MAD1L1: variants seen among roughly 807,000 people sequenced by gnomAD.
MAD1L1 encodes the protein mitotic spindle assembly checkpoint protein MAD1.
A neutral mutation model predicts 96.9 loss-of-function variants in MAD1L1; 95 were observed. The ratio of observed to expected loss-of-function variants is 0.98; its 90% CI spans 0.83 to 1.16. The LOEUF is 1.16. MAD1L1 is among the 50% of genes most tolerant of loss of function. MAD1L1 has a pLI of 0.00. For missense variants in MAD1L1, 1,007 were observed against 954.4 expected (o/e 1.06, Z -0.73); for synonymous variants, 473 against 396.6 (o/e 1.19, Z -2.29).
At chr7:2,177,948 G>A (rs184940820) in intron 10 of MAD1L1, among the ~76,000 whole-genome samples, 99 of 151,928 alleles carry the variant, frequency 6.5e-4, no homozygotes, top group African/African-American at 2.1e-3. Context: ...AAACACACCA[G>A]GAGGTTAAGT....
chr7:1,912,882 C>T (rs937157778), intron 17 of MAD1L1, among the ~76,000 whole-genome samples: 3 of 149,688 alleles, frequency 2.0e-5, no homozygotes, highest in Non-Finnish European at 3.0e-5. Context: ...GGGGTGGCGG[C>T]GGCGAGGTCC....
chr7:2,190,467 C>G (rs994631957), intron 10 of MAD1L1, among the ~76,000 whole-genome samples: 23 of 152,082 alleles, frequency 1.5e-4, no homozygotes, highest in Non-Finnish European at 2.5e-4. Flanking sequence ...ATTGATAAAT[C>G]AGACTTAGCA....
chr7:1,978,077 G>A (rs758351904), intron 15 of MAD1L1, among the ~76,000 whole-genome samples: 13 of 152,218 alleles, frequency 8.5e-5, no homozygotes, highest in Non-Finnish European at 1.6e-4. Flanking sequence ...CTCTCCCCCT[G>A]CGCCCGCGTG....
chr7:1,884,848 C>T (rs970545095), intron 18 of MAD1L1, among the ~76,000 whole-genome samples: 4 of 152,162 alleles, frequency 2.6e-5, no homozygotes, highest in South Asian at 4.1e-4. Flanking sequence ...CAGACGCAGG[C>T]GGGGCAGGCC....
In MAD1L1 at chr7:1,864,769, C is replaced by T. The variant is rs542502518; in HGVS notation, c.1998+33431G>A. Among the ~76,000 whole-genome samples the T allele has an allele frequency of 2.0e-5, 3 of 152,300 alleles. No individual in the cohort carries two copies. The South Asian group carries it at 6.2e-4, about 32-fold the overall frequency. On this transcript the variant is annotated intron_variant, in intron 18 of 18. Transcript: ENST00000265854. ...CCTCCCTGGGGTGAGGGGGTTCCCA[C>T]TGTTGGGAGAGCCTGGTGCCCCCCG...
intron 18 of MAD1L1, among the ~76,000 whole-genome samples, chr7:1,894,885 A>G (rs1583686951): frequency 1.3e-5 from 2 of 152,088 alleles, no homozygotes; most frequent in East Asian, 3.9e-4. Context: ...TGGAGCAAGA[A>G]GCATCTTTAA....
At chr7:2,204,007 C>T (rs1792453874) in intron 10 of MAD1L1, among the ~76,000 whole-genome samples, 1 of 152,236 alleles carries the variant, frequency 6.6e-6, no homozygotes, top group African/African-American at 2.4e-5. Context: ...ACACGTTCCA[C>T]TTTTCATTCC....
At chr7:1,894,819 G>T (rs1343982216) in intron 18 of MAD1L1, among the ~76,000 whole-genome samples, 2 of 151,906 alleles carry the variant, frequency 1.3e-5, no homozygotes, top group Non-Finnish European at 2.9e-5. Context: ...GGAGTAGAGG[G>T]TGGGGGTTGG....
At chr7:2,001,282 C>T (rs1781780296) in intron 14 of MAD1L1, among the ~76,000 whole-genome samples, 2 of 152,404 alleles carry the variant, frequency 1.3e-5, no homozygotes, top group Admixed American at 6.5e-5. Context: ...AACATGCAGA[C>T]ACACGCACGC....
intron 18 of MAD1L1, among the ~76,000 whole-genome samples, chr7:1,893,211 G>T (rs1024444863): frequency 6.6e-6 from 1 of 152,194 alleles, no homozygotes; most frequent in Non-Finnish European, 1.5e-5. Flanking sequence ...AGCCCAGGCA[G>T]CCAGCTCCCT....
rs1020241179 is a variant in MAD1L1, at chr7:2,119,969, A to G, written c.1073+29183T>C. Among the ~76,000 whole-genome samples the G allele has an allele frequency of 1.7e-4, 26 of 152,006 alleles. No homozygotes were observed. The highest frequency in any genetic ancestry group is 5.8e-4 in the African/African-American group (24 of 41,376). ...TCCACCTCCTCCCAGCATGCGCCCA[A>G]GGCATCCCTAGCAATGCCCCAGGTG... On this transcript the variant is annotated intron_variant, in intron 11 of 18. Transcript: ENST00000265854. This position sits in a 1 kb window ranked among gnomAD's most constrained non-coding sequence, Gnocchi z 4.6.
At chr7:2,148,857 C>T (rs1369404927) in intron 11 of MAD1L1, among the ~76,000 whole-genome samples, 1 of 152,202 alleles carries the variant, frequency 6.6e-6, no homozygotes, top group East Asian at 1.9e-4. Context: ...GACAAGAACC[C>T]TCCTGATCCA....
At chr7:1,918,210 C>G (rs1042450841) in intron 17 of MAD1L1, among the ~76,000 whole-genome samples, 1 of 152,176 alleles carries the variant, frequency 6.6e-6, no homozygotes, top group East Asian at 1.9e-4. Context: ...AGAAGCCCCA[C>G]GATGGCCCAG....
At chr7:2,057,974 G>A (rs1394179687) in intron 12 of MAD1L1, among the ~76,000 whole-genome samples, 1 of 150,946 alleles carries the variant, frequency 6.6e-6, no homozygotes, top group African/African-American at 2.5e-5. Flanking sequence ...CGGAGAGGGA[G>A]TGTGGCCAGA....
At chr7:2,203,772 T>C (rs1792440083) in intron 10 of MAD1L1, among the ~76,000 whole-genome samples, 2 of 152,338 alleles carry the variant, frequency 1.3e-5, no homozygotes, top group East Asian at 1.9e-4. Context: ...AGCTTCTATG[T>C]ACACACATTT....
chr7:2,011,642 G>A (rs1322728833), intron 13 of MAD1L1, among the ~76,000 whole-genome samples: 6 of 152,186 alleles, frequency 3.9e-5, no homozygotes, highest in African/African-American at 1.2e-4. Context: ...GAGCTGACGC[G>A]GAGGTGCCCC....
chr7:1,876,012 T>G (rs910187594), intron 18 of MAD1L1, among the ~76,000 whole-genome samples: 1 of 152,176 alleles, frequency 6.6e-6, no homozygotes, highest in East Asian at 1.9e-4. Context: ...CCGGTGCCCT[T>G]TGATCTCAGA....
chr7:2,215,836 G>C, intron 9 of MAD1L1, 49 bp downstream of exon 9: 1 of 1,550,024 alleles, frequency 6.5e-7, no homozygotes, highest in Non-Finnish European at 8.9e-7. Flanking sequence ...GGCTCCTCCA[G>C]GCAGGGCAGA....
intron 18 of MAD1L1, among the ~76,000 whole-genome samples, chr7:1,842,026 C>A (rs1783292528): frequency 6.6e-6 from 1 of 152,214 alleles, no homozygotes; most frequent in South Asian, 2.1e-4. Context: ...CCGGCGTCAC[C>A]ATCCGCTGCA....
Sources: gnomAD v4.1 joint callset for allele counts (sites outside exome capture counted in the v4.1 genomes callset) on GRCh38, gnomAD v4.1.1 for gene constraint, Gnocchi (gnomAD v3.1) non-coding constraint, MANE v1.5 for transcripts, NCBI Gene and HGNC (gene_info 2026-07-23, HGNC 2026-07-21) for gene names.